The following DGKD variants were observed in gnomAD, a reference collection of about 807,000 sequenced individuals.
The protein encoded by DGKD is diacylglycerol kinase delta, also known as DAG kinase delta.
Under a neutral mutation model 154.4 loss-of-function variants are expected in DGKD, and 68 were observed. The ratio of observed to expected loss-of-function variants is 0.44; its 90% CI spans 0.36 to 0.54. The LOEUF (loss-of-function observed/expected upper bound fraction) is 0.54. DGKD is among the 20% of genes least tolerant of loss of function. DGKD has a pLI of 0.00. For synonymous variants in DGKD, 693 were observed against 638.0 expected (o/e 1.09, Z -1.30); for missense variants, 1,343 against 1,593.6 (o/e 0.84, Z 2.68).
chr2:233,439,068 T>C (rs757512605), intron 9 of DGKD, among the ~76,000 whole-genome samples: 43 of 152,264 alleles, frequency 2.8e-4, no homozygotes, highest in Non-Finnish European at 6.0e-4. Flanking sequence ...TGTAGTTTTT[T>C]ACTTTTCATA....
chr2:233,456,619 A>G (rs1212550835), intron 19 of DGKD, among the ~76,000 whole-genome samples: 1 of 152,098 alleles, frequency 6.6e-6, no homozygotes, highest in African/African-American at 2.4e-5. Context: ...GTTTTTTTAT[A>G]GGGTTCTATA....
At position 233,376,655 on chromosome 2, in the gene DGKD, A is replaced by G. The variant is rs138993026; in HGVS notation, c.157-11602A>G. ...TTTGTAGGGACATGGATGAAGCTGG[A>G]AACCATCATTCTCAGCAAACTATCA... is the stretch of plus-strand genomic sequence containing the variant. On this transcript the variant is annotated intron_variant, in intron 1 of 29. Coordinates refer to ENST00000264057, the MANE Select transcript of DGKD (RefSeq NM_152879.3). Among the ~76,000 whole-genome samples, 228 of 152,252 alleles carry G rather than the reference A, an allele frequency of 1.5e-3. 2 individuals carry two copies. Among genetic ancestry groups the G allele is most frequent in the African/African-American group, 5.4e-3 (223 of 41,530 alleles).
chr2:233,442,710 A>G (rs2062939961), intron 10 of DGKD: 2 of 155,952 alleles, frequency 1.3e-5, no homozygotes, highest in African/African-American at 4.8e-5. Context: ...GGTTCAAGTG[A>G]TTCTCCTGCC....
chr2:233,369,611 G>T (rs1702209723), intron 1 of DGKD, among the ~76,000 whole-genome samples: 1 of 152,120 alleles, frequency 6.6e-6, no homozygotes, highest in African/African-American at 2.4e-5. Flanking sequence ...TTTCTGTTCT[G>T]ATGTGATGTT....
intron 1 of DGKD, among the ~76,000 whole-genome samples, chr2:233,369,717 C>G (rs767291500): frequency 6.6e-6 from 1 of 152,194 alleles, no homozygotes; most frequent in Non-Finnish European, 1.5e-5. Flanking sequence ...TGATCGGCCA[C>G]GGGCCCAGGC....
chr2:233,403,657 T>G (rs1559508286), intron 3 of DGKD, among the ~76,000 whole-genome samples: 1 of 152,004 alleles, frequency 6.6e-6, no homozygotes. Context: ...TTTTTTTTTT[T>G]TAGATGGAGT....
At chr2:233,376,944 C>T (rs1390774179) in intron 1 of DGKD, among the ~76,000 whole-genome samples, 1 of 151,926 alleles carries the variant, frequency 6.6e-6, no homozygotes, top group Non-Finnish European at 1.5e-5. Context: ...GAGGTAACCA[C>T]TTAACCATTT....
rs2062624995 is a variant in DGKD, at chr2:233,434,452, T to C, written c.421T>C (p.Leu141=). ...AGAAATGGAAGATTGGATTGCAGCA[T>C]TAAAGACTGTGCAGAACAGGGAGCA... ...RKEMEDWIAA[L]KTVQNREHFE... Residue 141 remains leucine (L), a synonymous_variant, in exon 4 of 30, where the codon TTA becomes CTA. Coordinates refer to ENST00000264057, the MANE Select transcript of DGKD (RefSeq NM_152879.3). 1 of 1,614,158 alleles carries C rather than the reference T, an allele frequency of 6.2e-7. No individual in the cohort carries two copies. Among genetic ancestry groups the C allele is most frequent in the South Asian group, 1.1e-5 (1 of 91,082 alleles).
In DGKD at chr2:233,434,787, G is replaced by A. The variant is rs386352297; in HGVS notation, c.472G>A (p.Asp158Asn). Residue 158 changes from aspartate to asparagine, a missense_variant, in exon 5 of 30, where the codon GAC becomes AAC. This residue lies in a region of DGKD where 332 missense variants were observed against 400.1 expected (regional missense o/e 0.83). Transcript: ENST00000264057. ...CTTCCAGCCCACCCAGTACAGCATG[G>A]ACCACTTCTCAGGGATGCACAATTG... Reference protein sequence around the residue: ...EHFEPTQYSMDHFSGMHNWYA... With the variant: ...EHFEPTQYSMNHFSGMHNWYA... 2.5e-6 allele frequency: 4 copies of A among 1,613,956 alleles called. No homozygotes were observed. Among genetic ancestry groups the A allele is most frequent in the Non-Finnish European group, 3.4e-6 (4 of 1,179,978 alleles).
At position 233,438,456 on chromosome 2, in the gene DGKD, A is replaced by G. The variant is rs2062772104; in HGVS notation, c.1085+77A>G. On this transcript the variant is annotated intron_variant, in intron 9 of 29. Coordinates refer to ENST00000264057, the MANE Select transcript of DGKD (RefSeq NM_152879.3). This position sits in a 1 kb window ranked among gnomAD's most constrained non-coding sequence, Gnocchi z 4.1. ...TAGTGTGTGCTTGTTAAAAAAAAAAAGTTCAAAGACACAAAGCTTTAAATA... is the reference window on the plus strand; with the variant it reads ...TAGTGTGTGCTTGTTAAAAAAAAAAGGTTCAAAGACACAAAGCTTTAAATA... 3 of 1,378,870 alleles carry G rather than the reference A, an allele frequency of 2.2e-6. No individual in the cohort carries two copies. The highest frequency in any genetic ancestry group is 1.6e-5 in the African/African-American group (1 of 63,548). The allele number at this position is 1,378,870 out of a possible 1,614,324, so 85.4% of individuals were successfully genotyped here.
In DGKD at chr2:233,441,536, G is replaced by A. The variant is rs2062888739; in HGVS notation, c.1086-351G>A. On this transcript the variant is annotated intron_variant, in intron 9 of 29. Transcript: ENST00000264057. The surrounding 1 kb of genome is among the most constrained non-coding windows in gnomAD (Gnocchi z 5.6). ...GCAGGGTGGGCTCACATGGTTAGGG[G>A]CCACGGCAGGCTGTGCCCGTGAGCC... Among the ~76,000 whole-genome samples the A allele has an allele frequency of 6.6e-6, 1 of 152,182 alleles. No individual in the cohort carries two copies. Among genetic ancestry groups the A allele is most frequent in the Non-Finnish European group, 1.5e-5 (1 of 68,014 alleles).
rs538194862 is a variant in DGKD, at chr2:233,468,311, T to C, written c.3425-112T>C. The C allele has an allele frequency of 1.1e-4, 145 of 1,358,986 alleles. 2 individuals carry two copies. The East Asian group carries it at 3.4e-3, about 32-fold the overall frequency. 84.2% of individuals were successfully genotyped at this position (1,358,986 alleles called of 1,614,324 possible). A position where few individuals can be genotyped will look rare whatever the true frequency, so the allele number is the denominator to read the frequency against. On this transcript the variant is annotated intron_variant, in intron 28 of 29. Transcript: ENST00000264057. ...CTGGGCTGTCTCGGGTGCTGGCTGTTGGGACGTCTCCTGTCCTGGCACTGG... is the reference window on the plus strand; with the variant it reads ...CTGGGCTGTCTCGGGTGCTGGCTGTCGGGACGTCTCCTGTCCTGGCACTGG...
intron 27 of DGKD, among the ~76,000 whole-genome samples, chr2:233,464,658 C>T (rs111717094): frequency 0.01 from 1,574 of 152,274 alleles, 34 homozygotes; most frequent in African/African-American, 0.036. Flanking sequence ...GTGGACAGGG[C>T]GCAGTTGGTG....
chr2:233,444,237 G>A (rs370136840), intron 10 of DGKD, among the ~76,000 whole-genome samples: 11 of 152,026 alleles, frequency 7.2e-5, no homozygotes, highest in African/African-American at 2.4e-4. Context: ...CCAGGAAATC[G>A]GACAGTTGTT....
Position 233,457,568 on chromosome 2 carries a change from C to T in DGKD, c.2580+240C>T, listed in dbSNP as rs750001051. On this transcript the variant is annotated intron_variant, in intron 21 of 29. Coordinates refer to ENST00000264057, the MANE Select transcript of DGKD (RefSeq NM_152879.3). This position sits in a 1 kb window ranked among gnomAD's most constrained non-coding sequence, Gnocchi z 5.5. ...GTCTGTGGTCAGCAGATGTGGTCAGCGGGTGTGACGTGGAAGGAGGGTCAG... is the reference window on the plus strand; with the variant it reads ...GTCTGTGGTCAGCAGATGTGGTCAGTGGGTGTGACGTGGAAGGAGGGTCAG... The T allele has an allele frequency of 4.6e-5, 29 of 626,894 alleles. No individual in the cohort carries two copies. Among genetic ancestry groups the T allele is most frequent in the African/African-American group, 2.3e-4 (13 of 55,404 alleles). 38.8% of individuals were successfully genotyped at this position (626,894 alleles called of 1,614,324 possible).
At chr2:233,409,445 A>G (rs772979702) in intron 3 of DGKD, among the ~76,000 whole-genome samples, 15 of 151,096 alleles carry the variant, frequency 9.9e-5, no homozygotes, top group Non-Finnish European at 2.1e-4. Flanking sequence ...CTTTTTAGCC[A>G]TCTTTACTCA....
At chr2:233,385,616 C>T (rs1195509376) in intron 1 of DGKD, among the ~76,000 whole-genome samples, 1 of 152,240 alleles carries the variant, frequency 6.6e-6, no homozygotes, top group African/African-American at 2.4e-5. Context: ...ACTCCTGACT[C>T]TGCTCTAGGG....
chr2:233,391,256 A>G (rs1352104615), intron 3 of DGKD, among the ~76,000 whole-genome samples: 4 of 152,204 alleles, frequency 2.6e-5, no homozygotes. Context: ...ACTTTCTGCA[A>G]AAGTTCTAAA....
intron 10 of DGKD, among the ~76,000 whole-genome samples, chr2:233,443,907 C>T (rs980116421): frequency 8.5e-5 from 13 of 152,192 alleles, no homozygotes; most frequent in African/African-American, 2.9e-4. Context: ...GCCATGCCTT[C>T]GCTGGGCCCC....
Sources: gnomAD v4.1 joint callset for allele counts (sites outside exome capture counted in the v4.1 genomes callset) on GRCh38, gnomAD v4.1.1 for gene constraint, gnomAD v4.1.1 regional missense constraint, Gnocchi (gnomAD v3.1) non-coding constraint, MANE v1.5 for transcripts, NCBI Gene and HGNC (gene_info 2026-07-23, HGNC 2026-07-21) for gene names.